Variants in TRPM2 observed in about 807,000 individuals in gnomAD.
TRPM2 encodes the protein estrogen-responsive element-associated gene 1 protein.
TRPM2 carries 161 observed loss-of-function variants against 174.0 expected under a neutral mutation model. The observed-to-expected ratio is 0.93, with a 90% confidence interval of 0.81 to 1.05. TRPM2 has a LOEUF of 1.05. Ranked by LOEUF, TRPM2 falls within the 50% of genes least tolerant of loss-of-function variation. TRPM2 has a pLI of 0.00. For missense variants in TRPM2, 2,057 were observed against 2,038.0 expected (o/e 1.01, Z -0.18); for synonymous variants, 954 against 861.3 (o/e 1.11, Z -1.88).
chr21:44,440,668 C>T (rs992694997), intron 30 of TRPM2, 121 bp from the exon 31 acceptor site: 10 of 841,764 alleles, frequency 1.2e-5, no homozygotes, highest in African/African-American at 3.3e-5. Context: ...AGAGCTGGGC[C>T]GGGGTCCTGT....
intron 15 of TRPM2, 104 bp downstream of exon 15, chr21:44,400,475 C>G: frequency 1.0e-6 from 1 of 954,202 alleles, no homozygotes; most frequent in African/African-American, 1.6e-5. Context: ...GGGAGCAAGT[C>G]ATGTGTCCTC....
chr21:44,378,612 C>G (rs1411943827), intron 7 of TRPM2, among the ~76,000 whole-genome samples: 1 of 152,200 alleles, frequency 6.6e-6, no homozygotes, highest in Non-Finnish European at 1.5e-5. Flanking sequence ...TCCCGAAGTC[C>G]AGCACACCCT....
Position 44,379,057 on chromosome 21 carries a change from G to A in TRPM2, c.1075G>A (p.Val359Met), listed in dbSNP as rs201913580. ...PCVVVEGSGR[V>M]ADVIAQVANL... Reference sequence around the variant, plus strand: ...TGTGGTTGTGGAGGGCTCGGGCCGCGTGGCCGACGTCATTGCCCAGGTGGC... The same window carrying A: ...TGTGGTTGTGGAGGGCTCGGGCCGCATGGCCGACGTCATTGCCCAGGTGGC... The change falls in exon 8 of 32, where the codon GTG becomes ATG. Residue 359 changes from valine (V) to methionine (M), a missense_variant. Val to Met is a conservative substitution (Grantham distance 21). Coordinates refer to ENST00000397928, the MANE Select transcript of TRPM2 (RefSeq NM_003307.4). 9 of 1,611,786 alleles carry A rather than the reference G, an allele frequency of 5.6e-6. No homozygotes were observed. The highest frequency in any genetic ancestry group is 1.3e-5 in the African/African-American group (1 of 75,052).
Position 44,391,083 on chromosome 21 carries a change from C to G in TRPM2, c.1440+58C>G. On this transcript the variant is annotated intron_variant, in intron 10 of 31. Transcript: ENST00000397928. The surrounding 1 kb of genome is among the most constrained non-coding windows in gnomAD (Gnocchi z 5.0). ...TACTGGGCCCACATGCATTGCACCA[C>G]TGAAGCAAGGGCAGGCAAAGTTCGC... The G allele has an allele frequency of 6.2e-7, 1 of 1,607,326 alleles. No individual in the cohort carries two copies. Among genetic ancestry groups the G allele is most frequent in the East Asian group, 2.2e-5 (1 of 44,740 alleles).
chr21:44,351,230 G>A (rs1394504924), upstream of TRPM2, among the ~76,000 whole-genome samples: 1 of 152,188 alleles, frequency 6.6e-6, no homozygotes, highest in Non-Finnish European at 1.5e-5. Context: ...GAGTCTTCTT[G>A]AATTCGGCCT....
intron 2 of TRPM2, among the ~76,000 whole-genome samples, chr21:44,359,091 T>C (rs1488189779): frequency 6.6e-6 from 1 of 152,154 alleles, no homozygotes; most frequent in African/African-American, 2.4e-5. Flanking sequence ...GCTTGGTCCA[T>C]TTTACAGTGT....
chr21:44,359,743 G>GTA (rs749462922), intron 2 of TRPM2, among the ~76,000 whole-genome samples: 2,367 of 131,824 alleles, frequency 0.018, 22 homozygotes, highest in African/African-American at 0.035. Flanking sequence ...ACATATATAT[G>GTA]TATATATATA....
intron 20 of TRPM2, chr21:44,415,324 G>T (rs1313875682): frequency 6.6e-6 from 1 of 152,262 alleles, no homozygotes; most frequent in East Asian, 1.9e-4. Context: ...TTAAGTGGAG[G>T]ATCCTGAGGT....
At chr21:44,428,807 C>G (rs1569111131) in intron 27 of TRPM2, among the ~76,000 whole-genome samples, 2 of 151,588 alleles carry the variant, frequency 1.3e-5, no homozygotes, top group South Asian at 2.1e-4. Flanking sequence ...AGGTCTGGCT[C>G]CTCCCTGAGG....
chr21:44,420,771 T>C (rs1157886391), intron 22 of TRPM2, among the ~76,000 whole-genome samples: 1 of 152,160 alleles, frequency 6.6e-6, no homozygotes, highest in Non-Finnish European at 1.5e-5. Context: ...ATGACCAACA[T>C]AGTCAGGGCT....
chr21:44,421,068 T>C lies in TRPM2; in HGVS notation c.3461+2513T>C, dbSNP rs112510158. 9.8e-3 allele frequency among the ~76,000 whole-genome samples: 1,484 copies of C among 151,874 alleles called. 23 individuals are homozygous for C. Among genetic ancestry groups the C allele is most frequent in the African/African-American group, 0.034 (1,418 of 41,392 alleles). On this transcript the variant is annotated intron_variant, in intron 22 of 31. Coordinates refer to ENST00000397928, the MANE Select transcript of TRPM2 (RefSeq NM_003307.4). Reference sequence around the variant, plus strand: ...GGCGCGGTGGCTCACGCCTGTAATCTCAGCACTTTGGGAGGCCAAGGTGGG... The same window carrying C: ...GGCGCGGTGGCTCACGCCTGTAATCCCAGCACTTTGGGAGGCCAAGGTGGG...
rs530123792 is a variant in TRPM2, at chr21:44,426,716, C to A, written c.3852C>A (p.Ala1284=). 2 of 1,614,082 alleles carry A rather than the reference C, an allele frequency of 1.2e-6. No individual in the cohort carries two copies. The highest frequency in any genetic ancestry group is 1.7e-6 in the Non-Finnish European group (2 of 1,180,008). Residue 1284 remains alanine, a synonymous_variant, in exon 26 of 32, where the codon GCC becomes GCA. Coordinates refer to ENST00000397928, the MANE Select transcript of TRPM2 (RefSeq NM_003307.4). ...ACACGGCAGAGAGGAAGGACGCGGC[C>A]GCCATGGACCCCATGGGAGAGTGAG... The part of the protein sequence containing the change: ...PFYTAERKDA[A]AMDPMGDTLE...
chr21:44,421,152 T>C (rs964370164), intron 22 of TRPM2, among the ~76,000 whole-genome samples: 4 of 152,172 alleles, frequency 2.6e-5, no homozygotes, highest in Non-Finnish European at 5.9e-5. Context: ...ACCTCATCTC[T>C]ACTAAAAATA....
chr21:44,420,581 G>A (rs114580745), intron 22 of TRPM2, among the ~76,000 whole-genome samples: 1 of 152,222 alleles, frequency 6.6e-6, no homozygotes, highest in African/African-American at 2.4e-5. Context: ...GGGCCATGCA[G>A]TGCCCTGACA....
intron 16 of TRPM2, among the ~76,000 whole-genome samples, chr21:44,404,718 G>A (rs1030755965): frequency 5.3e-5 from 8 of 152,084 alleles, no homozygotes; most frequent in African/African-American, 1.9e-4. Context: ...ATATGACAGC[G>A]ATGGTGACAG....
intron 2 of TRPM2, among the ~76,000 whole-genome samples, chr21:44,361,738 C>G (rs571209300): frequency 1.3e-5 from 2 of 152,014 alleles, no homozygotes; most frequent in South Asian, 4.1e-4. Flanking sequence ...GACAGAGTCT[C>G]ACTCTGTTGC....
intron 5 of TRPM2, among the ~76,000 whole-genome samples, chr21:44,373,076 G>A (rs145759624): frequency 6.6e-6 from 1 of 152,250 alleles, no homozygotes; most frequent in African/African-American, 2.4e-5. Context: ...TTCCTGTGAT[G>A]CTGTCTCCAC....
intron 16 of TRPM2, among the ~76,000 whole-genome samples, chr21:44,404,285 TACACATATACATGC>T (rs909156380): frequency 1.7e-3 from 262 of 150,340 alleles, no homozygotes; most frequent in African/African-American, 6.2e-3. Flanking sequence ...TGTATGTGCA[TACACATATACATGC>T]ACACATACAT....
At chr21:44,401,198 G>A (rs763653247) in intron 15 of TRPM2, among the ~76,000 whole-genome samples, 3 of 152,190 alleles carry the variant, frequency 2.0e-5, no homozygotes, top group Non-Finnish European at 2.9e-5. Flanking sequence ...CAGCGGCCCG[G>A]GGATAGGGAC....
Sources: allele counts gnomAD v4.1 joint callset (sites outside exome capture counted in the v4.1 genomes callset), GRCh38; gene constraint gnomAD v4.1.1; non-coding constraint Gnocchi (gnomAD v3.1); transcripts MANE v1.5; gene names NCBI Gene and HGNC (gene_info 2026-07-23, HGNC 2026-07-21).